The following RIT2 variants were observed in gnomAD, a reference collection of about 807,000 sequenced individuals.
RIT2 encodes the protein Ras like without CAAX 2, also known as GTP-binding protein Rit2.
RIT2 carries 24 observed loss-of-function variants against 23.7 expected under a neutral mutation model. The observed-to-expected ratio is 1.01, with a 90% CI of 0.73 to 1.43. RIT2 has a LOEUF of 1.43. Ranked by LOEUF, RIT2 falls within the 40% of genes most tolerant of loss-of-function variation. The probability of loss-of-function intolerance (pLI) is 0.00; values close to 1 mark genes in which losing one functional copy is unlikely to be tolerated. For synonymous variants in RIT2, 107 were observed against 91.1 expected, an observed-to-expected ratio of 1.17 and a Z score of -0.99; for missense variants, 236 against 266.9, an observed-to-expected ratio of 0.88 and a Z score of 0.81.
intron 3 of RIT2, among the ~76,000 whole-genome samples, chr18:42,938,741 T>C (rs1230535228): frequency 6.6e-6 from 1 of 152,054 alleles, no homozygotes; most frequent in Admixed American, 6.6e-5. Context: ...GCACACATAA[T>C]ACACTACTTT....
chr18:43,045,436 AT>A (rs1204411397), intron 1 of RIT2, among the ~76,000 whole-genome samples: 1 of 152,196 alleles, frequency 6.6e-6, no homozygotes, highest in East Asian at 1.9e-4. Flanking sequence ...ACATTTTCTG[AT>A]ATTTCAGATA....
Position 42,831,174 on chromosome 18 carries a change from A to ATAGT in RIT2, c.427-87458_427-87455dup, listed in dbSNP as rs919122051. On this transcript the variant is annotated intron_variant, in intron 4 of 4. Transcript: ENST00000326695. ...CAGATTATGTAAATGAGTGTGCTTG[A>ATAGT]TAGTTAGTTCTTTTCTTTGTGTATA... Among the ~76,000 whole-genome samples the ATAGT allele has an allele frequency of 3.9e-5, 6 of 152,314 alleles. No homozygotes were observed. The South Asian group carries it at 1.2e-3, about 32-fold the overall frequency.
At chr18:43,061,993 T>C (rs1017880998) in intron 1 of RIT2, among the ~76,000 whole-genome samples, 4 of 152,028 alleles carry the variant, frequency 2.6e-5, no homozygotes, top group Non-Finnish European at 4.4e-5. Flanking sequence ...AAGAAGCTGC[T>C]GGTGGCCACT....
rs9961320 is a variant in RIT2 at position 42,846,389 on chromosome 18, C to T, written c.426+77183G>A. Among the ~76,000 whole-genome samples, 331 of 151,860 alleles carry T rather than the reference C, an allele frequency of 2.2e-3. 3 individuals carry two copies. The highest frequency in any genetic ancestry group is 7.3e-3 in the African/African-American group (302 of 41,462). On this transcript the variant is annotated intron_variant, in intron 4 of 4. Coordinates refer to ENST00000326695, the MANE Select transcript of RIT2 (RefSeq NM_002930.4). ...CCTTTGTAAAAACAAGCTTTTCAAA[C>T]CATGAATTTGAGTATGTATTTATTA... is the stretch of plus-strand genomic sequence containing the variant.
chr18:43,053,894 G>A (rs1293845873), intron 1 of RIT2, among the ~76,000 whole-genome samples: 3 of 152,028 alleles, frequency 2.0e-5, no homozygotes, highest in Admixed American at 2.0e-4. Context: ...ATAATCTACT[G>A]CAGAATCTGA....
At chr18:42,851,360 T>C (rs1907050180) in intron 4 of RIT2, among the ~76,000 whole-genome samples, 1 of 152,226 alleles carries the variant, frequency 6.6e-6, no homozygotes, top group Non-Finnish European at 1.5e-5. Context: ...TAGAATCAAT[T>C]ACTGAATATA....
At chr18:42,792,477 C>T (rs11875369) in intron 4 of RIT2, among the ~76,000 whole-genome samples, 3,845 of 152,254 alleles carry the variant, frequency 0.025, 162 homozygotes, top group African/African-American at 0.085. Context: ...CTAGTCTATG[C>T]ATATACGACA....
rs564869938 is a variant in RIT2, at chr18:43,065,928, G to T, written c.104-32061C>A. On this transcript the variant is annotated intron_variant, in intron 1 of 4. Coordinates refer to ENST00000326695, the MANE Select transcript of RIT2 (RefSeq NM_002930.4). Reference sequence around the variant, plus strand: ...AAAACACATGGTGAGGGTCTGTTTAGTGAGTAACATTTATGTTAAGGCTAT... The same window carrying T: ...AAAACACATGGTGAGGGTCTGTTTATTGAGTAACATTTATGTTAAGGCTAT... Among the ~76,000 whole-genome samples the T allele has an allele frequency of 5.3e-5, 8 of 152,148 alleles. No individual in the cohort carries two copies. The East Asian group carries it at 1.5e-3, about 29-fold the overall frequency.
At chr18:43,017,961 A>G (rs1408717285) in intron 2 of RIT2, among the ~76,000 whole-genome samples, 1 of 152,058 alleles carries the variant, frequency 6.6e-6, no homozygotes, top group African/African-American at 2.4e-5. Context: ...AACCTGATAC[A>G]CACACGTTTA....
chr18:42,749,931 A>T (rs1376391580), intron 4 of RIT2, among the ~76,000 whole-genome samples: 1 of 151,856 alleles, frequency 6.6e-6, no homozygotes, highest in African/African-American at 2.4e-5. Flanking sequence ...ACAATAGCAA[A>T]AACGAGCAAA....
chr18:42,782,515 A>G (rs1360372729), intron 4 of RIT2, among the ~76,000 whole-genome samples: 1 of 152,156 alleles, frequency 6.6e-6, no homozygotes, highest in African/African-American at 2.4e-5. Context: ...AGATTAATAG[A>G]TATATAGATA....
intron 1 of RIT2, among the ~76,000 whole-genome samples, chr18:43,044,796 A>G (rs1191131027): frequency 6.6e-6 from 1 of 152,072 alleles, no homozygotes; most frequent in Non-Finnish European, 1.5e-5. Context: ...GCAATTCATC[A>G]TTTCCCTGAG....
intron 4 of RIT2, among the ~76,000 whole-genome samples, chr18:42,887,810 G>T (rs968616493): frequency 1.2e-4 from 18 of 148,538 alleles, no homozygotes; most frequent in African/African-American, 4.5e-4. Context: ...TCATACAATG[G>T]AATAGTATTC....
rs1541294 is a variant in RIT2, at chr18:42,923,384, G to C, written c.426+188C>G. 0.18 allele frequency: 108,628 copies of C among 613,262 alleles called. 13,010 individuals are homozygous for C. The highest frequency in any genetic ancestry group is 0.53 in the East Asian group (19,367 of 36,390). 38.0% of individuals were successfully genotyped at this position (613,262 alleles called of 1,614,324 possible). On this transcript the variant is annotated intron_variant, in intron 4 of 4. Coordinates refer to ENST00000326695, the MANE Select transcript of RIT2 (RefSeq NM_002930.4). ...ACTAGTAAGGGCACTCTGCAAAATA[G>C]CATATGTGGTAAAATATATTATGGA...
In RIT2 at chr18:42,943,257, C is replaced by T. The variant is rs1020136815; in HGVS notation, c.235-19494G>A. Among the ~76,000 whole-genome samples the T allele has an allele frequency of 9.9e-5, 15 of 152,104 alleles. No individual in the cohort carries two copies. The East Asian group carries it at 1.2e-3, about 12-fold the overall frequency. ...GGATGCTGCTGATTGGTGCATTTTA[C>T]GGAATGCTGATTGGTACATTTTACA... On this transcript the variant is annotated intron_variant, in intron 3 of 4. Transcript: ENST00000326695.
At chr18:42,773,673 T>C (rs2143919064) in intron 4 of RIT2, among the ~76,000 whole-genome samples, 1 of 152,316 alleles carries the variant, frequency 6.6e-6, no homozygotes, top group East Asian at 1.9e-4. Flanking sequence ...GTCAATTTAA[T>C]ATACAATAGC....
chr18:42,973,253 T>A (rs1186090898), intron 3 of RIT2, among the ~76,000 whole-genome samples: 1 of 151,716 alleles, frequency 6.6e-6, no homozygotes, highest in African/African-American at 2.4e-5. Context: ...TATTTTGATA[T>A]CTGATATTTT....
At chr18:43,056,836 C>T (rs1284745779) in intron 1 of RIT2, among the ~76,000 whole-genome samples, 1 of 152,100 alleles carries the variant, frequency 6.6e-6, no homozygotes, top group African/African-American at 2.4e-5. Context: ...TTTGACTTAA[C>T]AGAACTGCCA....
intron 2 of RIT2, among the ~76,000 whole-genome samples, chr18:43,014,842 A>G (rs1265722228): frequency 6.6e-6 from 1 of 151,780 alleles, no homozygotes; most frequent in Admixed American, 6.6e-5. Flanking sequence ...TAAACTACAT[A>G]TATAGATAGC....
Sources: gnomAD v4.1 joint callset for allele counts (sites outside exome capture counted in the v4.1 genomes callset) on GRCh38, gnomAD v4.1.1 for gene constraint, MANE v1.5 for transcripts, NCBI Gene and HGNC (gene_info 2026-07-23, HGNC 2026-07-21) for gene names.